Variants in SAMMSON observed in about 807,000 individuals in gnomAD.
SAMMSON encodes long intergenic non-protein coding RNA 1212.
intron 4 of SAMMSON, among the ~76,000 whole-genome samples, chr3:70,105,955 A>G (rs1475316971): frequency 6.6e-6 from 1 of 152,136 alleles, no homozygotes; most frequent in Non-Finnish European, 1.5e-5. Context: ...ATGGAAAGAG[A>G]AATTTCAGGA....
At chr3:70,025,410 A>G (rs139045017) in intron 3 of SAMMSON, among the ~76,000 whole-genome samples, 99 of 152,116 alleles carry the variant, frequency 6.5e-4, no homozygotes, top group African/African-American at 1.9e-3. Context: ...ACACCTGGAT[A>G]AGTTTTGTAT....
intron 4 of SAMMSON, among the ~76,000 whole-genome samples, chr3:70,190,021 A>T (rs1701119486): frequency 6.6e-6 from 1 of 152,192 alleles, no homozygotes; most frequent in Non-Finnish European, 1.5e-5. Context: ...ATCAGTGTGC[A>T]GAGCAGCAGA....
chr3:70,238,320 A>G (rs981469507), intron 4 of SAMMSON, among the ~76,000 whole-genome samples: 1 of 152,014 alleles, frequency 6.6e-6, no homozygotes, highest in Non-Finnish European at 1.5e-5. Flanking sequence ...TAAAAAGTCT[A>G]TCTGAGGCTG....
chr3:70,147,513 T>C (rs543533603), intron 4 of SAMMSON, among the ~76,000 whole-genome samples: 1 of 152,142 alleles, frequency 6.6e-6, no homozygotes, highest in African/African-American at 2.4e-5. Context: ...CACATGAGTA[T>C]ACCAACTGAG....
At chr3:70,066,583 C>G (rs2067211055) in intron 3 of SAMMSON, among the ~76,000 whole-genome samples, 1 of 152,102 alleles carries the variant, frequency 6.6e-6, no homozygotes, top group Non-Finnish European at 1.5e-5. Context: ...AGCATCATTT[C>G]CAAACAGAGT....
chr3:70,151,634 A>T (rs945646258), intron 4 of SAMMSON, among the ~76,000 whole-genome samples: 13 of 152,074 alleles, frequency 8.5e-5, no homozygotes, highest in Non-Finnish European at 1.8e-4. Flanking sequence ...TTGGTAAATG[A>T]TAAAACAGTG....
intron 7 of SAMMSON, among the ~76,000 whole-genome samples, chr3:70,353,393 A>G (rs1702807814): frequency 6.6e-6 from 1 of 152,146 alleles, no homozygotes; most frequent in South Asian, 2.1e-4. Context: ...TAAACAAACA[A>G]TTCAGTAGAA....
At chr3:70,018,067 A>C (rs1458172840) in intron 3 of SAMMSON, among the ~76,000 whole-genome samples, 1 of 152,090 alleles carries the variant, frequency 6.6e-6, no homozygotes, top group Non-Finnish European at 1.5e-5. Context: ...TGTCTCTACC[A>C]GGCTTTGGTA....
chr3:70,022,487 A>G (rs779408188), intron 3 of SAMMSON, among the ~76,000 whole-genome samples: 1 of 151,614 alleles, frequency 6.6e-6, no homozygotes, highest in Non-Finnish European at 1.5e-5. Flanking sequence ...GGGAAGACAG[A>G]CAACCAGTTA....
At chr3:70,128,803 T>C (rs1340886472) in intron 4 of SAMMSON, among the ~76,000 whole-genome samples, 4 of 152,194 alleles carry the variant, frequency 2.6e-5, no homozygotes, top group African/African-American at 9.6e-5. Context: ...GAAATTAACA[T>C]TGTGGTTTAT....
intron 9 of SAMMSON, among the ~76,000 whole-genome samples, chr3:70,362,360 G>A (rs1702878772): frequency 4.6e-5 from 7 of 152,136 alleles, no homozygotes; most frequent in Admixed American, 3.3e-4. Flanking sequence ...ACTAGAAGTA[G>A]TAGATAATTT....
rs116711899 is a variant in SAMMSON, at chr3:70,300,161, A to T, written n.739+8918A>T. On this transcript the variant is annotated intron_variant and non_coding_transcript_variant, in intron 7 of 9. Coordinates refer to ENST00000642114, the Ensembl canonical transcript of SAMMSON. Reference sequence around the variant, plus strand: ...TTGAAATTTATCCTTCCATTTATTCATGTCATTTTTTAGCATCTGCTTTAC... The same window carrying T: ...TTGAAATTTATCCTTCCATTTATTCTTGTCATTTTTTAGCATCTGCTTTAC... Among the ~76,000 whole-genome samples the T allele has an allele frequency of 3.9e-3, 586 of 152,074 alleles. 2 individuals carry two copies. Among genetic ancestry groups the T allele is most frequent in the Non-Finnish European group, 5.8e-3 (397 of 67,958 alleles).
intron 6 of SAMMSON, among the ~76,000 whole-genome samples, chr3:70,254,580 G>C (rs1025391045): frequency 3.3e-5 from 5 of 152,160 alleles, no homozygotes; most frequent in African/African-American, 1.2e-4. Flanking sequence ...TGAGGTGGCA[G>C]AGGTTATCAT....
chr3:70,197,244 G>A (rs763976286), intron 4 of SAMMSON: 2 of 398,046 alleles, frequency 5.0e-6, no homozygotes, highest in Non-Finnish European at 8.9e-6. Context: ...ATGAAGGACA[G>A]GCATGTGTGC....
intron 8 of SAMMSON, among the ~76,000 whole-genome samples, chr3:70,354,805 C>T (rs566817517): frequency 6.6e-6 from 1 of 152,300 alleles, no homozygotes; most frequent in South Asian, 2.1e-4. Flanking sequence ...TTTCACCCAG[C>T]GTTCCTTCCC....
At chr3:70,287,534 C>A (rs1454153673) in intron 6 of SAMMSON, among the ~76,000 whole-genome samples, 1 of 151,818 alleles carries the variant, frequency 6.6e-6, no homozygotes, top group Non-Finnish European at 1.5e-5. Context: ...TTGGTTGTGT[C>A]TCTGCCCGGC....
At chr3:70,089,451 G>A (rs985198346) in intron 4 of SAMMSON, among the ~76,000 whole-genome samples, 2 of 144,886 alleles carry the variant, frequency 1.4e-5, no homozygotes, top group African/African-American at 5.0e-5. Flanking sequence ...CAGCTTGGAC[G>A]TAATGAATTT....
At chr3:70,253,255 A>G (rs1027737858) in intron 6 of SAMMSON, among the ~76,000 whole-genome samples, 8 of 152,150 alleles carry the variant, frequency 5.3e-5, no homozygotes, top group African/African-American at 1.7e-4. Flanking sequence ...GAAAGAAGTA[A>G]TAGAGGGAGC....
chr3:70,293,518 T>C (rs1234775767), intron 7 of SAMMSON, among the ~76,000 whole-genome samples: 2 of 152,076 alleles, frequency 1.3e-5, no homozygotes, highest in African/African-American at 4.8e-5. Flanking sequence ...TTGCCTATAT[T>C]TCTGATTGAA....
Sources: allele counts gnomAD v4.1 joint callset (sites outside exome capture counted in the v4.1 genomes callset), GRCh38; gene constraint gnomAD v4.1.1; transcripts MANE v1.5; gene names NCBI Gene and HGNC (gene_info 2026-07-23, HGNC 2026-07-21).